URGCP: variants seen among roughly 807,000 people sequenced by gnomAD.
The protein encoded by URGCP is up-regulator of cell proliferation.
URGCP carries 13 observed loss-of-function variants against 24.6 expected under a neutral mutation model. The ratio of observed to expected loss-of-function variants is 0.53; its 90% confidence interval spans 0.34 to 0.84. URGCP has a LOEUF of 0.84. URGCP is among the 40% of genes least tolerant of loss of function. URGCP has a pLI of 0.01. For synonymous variants in URGCP, 444 were observed against 487.2 expected, an observed-to-expected ratio of 0.91 and a Z score of 1.17; for missense variants, 899 against 1,194.3, an observed-to-expected ratio of 0.75 and a Z score of 3.64.
intron 3 of URGCP, among the ~76,000 whole-genome samples, chr7:43,882,607 C>CA (rs535393777): frequency 0.12 from 16,727 of 133,818 alleles, 959 homozygotes; most frequent in Middle Eastern, 0.19. Flanking sequence ...GACCCTGTCT[C>CA]AAAAAAAAAA....
rs2095854458 is a variant in URGCP at position 43,881,895 on chromosome 7, T to C, written c.163+12A>G. The C allele has an allele frequency of 6.2e-6, 10 of 1,613,810 alleles. No homozygotes were observed. The East Asian group carries it at 2.2e-4, about 36-fold the overall frequency. On this transcript the variant is annotated intron_variant, in intron 4 of 5. Coordinates refer to ENST00000453200, the MANE Select transcript of URGCP (RefSeq NM_001077663.3). ...CCCAGTCCAATCTGTTGCCAAATCC[T>C]GTAGTTTCTACCTCCATAACGGAAC...
intron 1 of URGCP, chr7:43,919,003 AC>A (rs780550232): frequency 7.1e-5 from 87 of 1,217,728 alleles, no homozygotes; most frequent in Non-Finnish European, 9.2e-5. Context: ...GCTGGCAACA[AC>A]TGGGCCAGCA....
chr7:43,887,621 C>T, intron 2 of URGCP, 136 bp from the exon 3 acceptor site: 3 of 1,476,170 alleles, frequency 2.0e-6, no homozygotes, highest in Non-Finnish European at 2.7e-6. Flanking sequence ...ATCCATGAAA[C>T]CAGAATCTCT....
intron 1 of URGCP, among the ~76,000 whole-genome samples, chr7:43,914,001 TTTTA>T (rs1431438825): frequency 5.9e-5 from 9 of 152,094 alleles, no homozygotes; most frequent in African/African-American, 9.7e-5. Context: ...ACCTGGCCTA[TTTTA>T]TTTGTTTTTT....
intron 1 of URGCP, among the ~76,000 whole-genome samples, chr7:43,924,071 T>C (rs1295391096): frequency 1.3e-5 from 2 of 152,138 alleles, no homozygotes; most frequent in African/African-American, 2.4e-5. Context: ...GGTCTCACCA[T>C]GTTGGCCAGG....
upstream of URGCP, among the ~76,000 whole-genome samples, chr7:43,909,479 C>A (rs560953045): frequency 6.6e-6 from 1 of 152,346 alleles, no homozygotes; most frequent in South Asian, 2.1e-4. Context: ...GTAATCCCAG[C>A]ACTTTGGGAG....
At chr7:43,880,294 C>T (rs541047400) in intron 5 of URGCP, among the ~76,000 whole-genome samples, 8 of 152,252 alleles carry the variant, frequency 5.3e-5, no homozygotes, top group South Asian at 2.1e-4. Context: ...CACTTACTTG[C>T]GCAGATACTC....
intron 1 of URGCP, among the ~76,000 whole-genome samples, chr7:43,895,937 CTG>C (rs1362439659): frequency 6.6e-6 from 1 of 152,172 alleles, no homozygotes; most frequent in African/African-American, 2.4e-5. Flanking sequence ...ATCAATGTAA[CTG>C]TCTATCAACA....
At chr7:43,905,827 A>T (rs1260057965) in intron 1 of URGCP, 1 of 152,250 alleles carries the variant, frequency 6.6e-6, no homozygotes, top group Non-Finnish European at 1.5e-5. Context: ...AAACAAAAAA[A>T]TAATGAATTA....
intron 1 of URGCP, among the ~76,000 whole-genome samples, chr7:43,904,220 C>G (rs2095896953): frequency 6.6e-6 from 1 of 152,252 alleles, no homozygotes; most frequent in African/African-American, 2.4e-5. Context: ...CACTTAGCTC[C>G]AAACACACTG....
chr7:43,881,276 C>G (rs2095853308), intron 5 of URGCP: 2 of 701,250 alleles, frequency 2.9e-6, no homozygotes, highest in Non-Finnish European at 5.2e-6. Flanking sequence ...GTATCCTGAT[C>G]TGCAAATGAA....
rs552556783 is a variant in URGCP, at chr7:43,886,256, G to A, written c.112+1159C>T. On this transcript the variant is annotated intron_variant, in intron 3 of 5. Coordinates refer to ENST00000453200, the MANE Select transcript of URGCP (RefSeq NM_001077663.3). ...TCTTGCCTTGGCCTCCCAAAGTACTGGGATTACAGGTGTGAGCCACTGTAT... is the reference window on the plus strand; with the variant it reads ...TCTTGCCTTGGCCTCCCAAAGTACTAGGATTACAGGTGTGAGCCACTGTAT... Among the ~76,000 whole-genome samples the A allele has an allele frequency of 4.2e-4, 64 of 152,236 alleles. 1 individual carries two copies. In the South Asian group the frequency reaches 0.013, roughly 32 times the overall value.
intron 1 of URGCP, among the ~76,000 whole-genome samples, chr7:43,895,775 C>T (rs1262753799): frequency 6.6e-6 from 1 of 152,178 alleles, no homozygotes; most frequent in Admixed American, 6.5e-5. Context: ...TATGGAAAAC[C>T]TTTATGGAGG....
At chr7:43,918,660 G>T in intron 1 of URGCP, 1 of 619,532 alleles carries the variant, frequency 1.6e-6, no homozygotes, top group South Asian at 1.9e-5. Flanking sequence ...GCAGCGTTGC[G>T]GGTGGGAGCG....
rs1397458112 is a variant in URGCP at position 43,878,081 on chromosome 7, T to C, written c.1382A>G (p.Lys461Arg). Residue 461 changes from lysine to arginine, a missense_variant, in exon 6 of 6, where the codon AAG (lysine) becomes AGG (arginine). Lys to Arg is a conservative substitution (Grantham distance 26, BLOSUM62 2). Coordinates refer to ENST00000453200, the MANE Select transcript of URGCP (RefSeq NM_001077663.3). The surrounding 1 kb of genome is among the most constrained non-coding windows in gnomAD (Gnocchi z 5.6). Reference sequence around the variant, plus strand: ...ACACTCCTCACAGTCCTCGTCGACCTTTAGGCCCAGTTTGCGGGCTGCGTG... The same window carrying C: ...ACACTCCTCACAGTCCTCGTCGACCCTTAGGCCCAGTTTGCGGGCTGCGTG... ...MAHAARKLGL[K>R]VDEDCEECQK... 4.3e-6 allele frequency: 7 copies of C among 1,614,110 alleles called. No homozygotes were observed. In the African/African-American group the frequency reaches 5.3e-5, roughly 12 times the overall value.
chr7:43,882,380 G>A (rs557712707), intron 3 of URGCP, among the ~76,000 whole-genome samples: 1 of 152,324 alleles, frequency 6.6e-6, no homozygotes, highest in Admixed American at 6.5e-5. Flanking sequence ...AACCCAGGAG[G>A]CGGGGGTTGC....
chr7:43,923,602 T>A (rs548138667), intron 1 of URGCP, among the ~76,000 whole-genome samples: 1 of 152,264 alleles, frequency 6.6e-6, no homozygotes, highest in South Asian at 2.1e-4. Context: ...TTTTTTAAAA[T>A]GTGCTTATTG....
chr7:43,885,803 A>C (rs1409541247), intron 3 of URGCP, among the ~76,000 whole-genome samples: 1 of 152,248 alleles, frequency 6.6e-6, no homozygotes, highest in African/African-American at 2.4e-5. Context: ...TGCAATGTCC[A>C]AGCTGCAGCC....
intron 1 of URGCP, among the ~76,000 whole-genome samples, chr7:43,912,712 T>G (rs750678487): frequency 6.6e-6 from 1 of 152,314 alleles, no homozygotes. Context: ...ACATAGGATG[T>G]CTTTCCTTTT....
Sources: allele counts gnomAD v4.1 joint callset (sites outside exome capture counted in the v4.1 genomes callset), GRCh38; gene constraint gnomAD v4.1.1; non-coding constraint Gnocchi (gnomAD v3.1); transcripts MANE v1.5; gene names NCBI Gene and HGNC (gene_info 2026-07-23, HGNC 2026-07-21).